Variants in SYTL3 observed in about 807,000 individuals in gnomAD.
The protein encoded by SYTL3 is synaptotagmin like 3, also known as synaptotagmin-like protein 3.
Under a neutral mutation model 82.1 loss-of-function variants are expected in SYTL3, and 88 were observed. That is an observed-to-expected ratio of 1.07 (90% confidence interval 0.90 to 1.28). The LOEUF (loss-of-function observed/expected upper bound fraction) is 1.28, where lower values mean the gene tolerates loss of function less well. SYTL3 is among the 50% of genes most tolerant of loss of function. SYTL3 has a pLI of 0.00. For missense variants in SYTL3, 831 were observed against 757.6 expected (o/e 1.10, Z -1.14); for synonymous variants, 311 against 289.4 (o/e 1.07, Z -0.76).
intron 6 of SYTL3, among the ~76,000 whole-genome samples, chr6:158,704,513 G>A (rs537358819): frequency 6.6e-6 from 1 of 152,398 alleles, no homozygotes; most frequent in South Asian, 2.1e-4. Context: ...TGCCCGTGGG[G>A]GATAGCAGGA....
At chr6:158,737,126 A>G (rs1364832322) in intron 11 of SYTL3, among the ~76,000 whole-genome samples, 1 of 151,976 alleles carries the variant, frequency 6.6e-6, no homozygotes, top group East Asian at 1.9e-4. Flanking sequence ...AAAGGCTGAT[A>G]ATCACTAAGC....
At chr6:158,663,567 C>T (rs991400516) in intron 4 of SYTL3, 189 bp downstream of exon 4, 23 of 985,120 alleles carry the variant, frequency 2.3e-5, no homozygotes, top group South Asian at 4.7e-5. Flanking sequence ...ACGTAGAGGA[C>T]GCTCAGGAGG....
At chr6:158,706,043 C>T (rs540551193) in intron 6 of SYTL3, among the ~76,000 whole-genome samples, 48 of 152,248 alleles carry the variant, frequency 3.2e-4, no homozygotes, top group Non-Finnish European at 6.5e-4. Context: ...GCTGGTCCTA[C>T]TAGTTGAGTG....
intron 10 of SYTL3, 124 bp downstream of exon 10, chr6:158,718,335 G>A: frequency 8.5e-7 from 1 of 1,169,982 alleles, no homozygotes; most frequent in Non-Finnish European, 1.1e-6. Flanking sequence ...TAAGCCATCA[G>A]AAAAACATAA....
At chr6:158,729,727 C>T (rs940129492) in intron 11 of SYTL3, among the ~76,000 whole-genome samples, 15 of 151,866 alleles carry the variant, frequency 9.9e-5, no homozygotes, top group African/African-American at 1.4e-4. Flanking sequence ...CCACCACGCC[C>T]GGCTAATCTT....
intron 5 of SYTL3, among the ~76,000 whole-genome samples, chr6:158,674,818 C>T (rs1037396521): frequency 7.9e-5 from 12 of 152,136 alleles, no homozygotes; most frequent in African/African-American, 2.2e-4. Context: ...TTCTGACCTG[C>T]GCAGTGTTTA....
intron 10 of SYTL3, among the ~76,000 whole-genome samples, chr6:158,720,427 C>A (rs1783971715): frequency 2.8e-5 from 3 of 105,458 alleles, no homozygotes; most frequent in South Asian, 3.5e-4. Flanking sequence ...AAAAAAAAAG[C>A]CTGAGTTTTA....
chr6:158,646,571 C>G (rs1787477470), upstream of SYTL3, among the ~76,000 whole-genome samples: 1 of 152,154 alleles, frequency 6.6e-6, no homozygotes, highest in African/African-American at 2.4e-5. Context: ...TACCTGCCTC[C>G]TTGAGGGAAA....
At chr6:158,738,111 A>G (rs1786455383) in intron 11 of SYTL3, among the ~76,000 whole-genome samples, 1 of 152,166 alleles carries the variant, frequency 6.6e-6, no homozygotes, top group Non-Finnish European at 1.5e-5. Flanking sequence ...CCAAGGAGCA[A>G]AGTGCATGGC....
chr6:158,738,168 A>G (rs1786462937), intron 11 of SYTL3, among the ~76,000 whole-genome samples: 1 of 152,170 alleles, frequency 6.6e-6, no homozygotes, highest in African/African-American at 2.4e-5. Flanking sequence ...GCTGGAGATT[A>G]GGTCTGCCCT....
At chr6:158,722,762 G>GTTTTTTTTTTTTTTTTTTTTT (rs34189391) in intron 10 of SYTL3, among the ~76,000 whole-genome samples, 1 of 80,896 alleles carries the variant, frequency 1.2e-5, no homozygotes. Flanking sequence ...TCTCTTTTCT[G>GTTTTTTTTTTTTTTTTTTTTT]TTTTTTTTTT....
chr6:158,700,777 C>T (rs545571199), intron 6 of SYTL3, among the ~76,000 whole-genome samples: 19 of 152,208 alleles, frequency 1.2e-4, no homozygotes, highest in Non-Finnish European at 2.5e-4. Context: ...CCACCACGGC[C>T]GGCTAATTTT....
chr6:158,676,552 A>G (rs1188333211), intron 5 of SYTL3, among the ~76,000 whole-genome samples: 3 of 151,964 alleles, frequency 2.0e-5, no homozygotes, highest in East Asian at 3.9e-4. Context: ...AAAATTGACA[A>G]ATGGGATCTA....
intron 11 of SYTL3, among the ~76,000 whole-genome samples, chr6:158,738,854 C>T (rs149865925): frequency 6.6e-5 from 10 of 152,332 alleles, no homozygotes; most frequent in Middle Eastern, 3.4e-3. Context: ...GACAGGGTTT[C>T]GCCATGTTGG....
chr6:158,679,758 G>A (rs1164339460), intron 5 of SYTL3, among the ~76,000 whole-genome samples: 1 of 152,160 alleles, frequency 6.6e-6, no homozygotes, highest in East Asian at 1.9e-4. Context: ...ACTTGTGTAG[G>A]TTCTGAAACC....
chr6:158,685,558 C>T lies in SYTL3; in HGVS notation c.394+2569C>T, dbSNP rs573260828. Among the ~76,000 whole-genome samples, 29 of 151,906 alleles carry T rather than the reference C, an allele frequency of 1.9e-4. 1 individual carries two copies. The South Asian group carries it at 5.7e-3, about 30-fold the overall frequency. On this transcript the variant is annotated intron_variant, in intron 6 of 17. Transcript: ENST00000611299. ...TTTTGACCGGGCCCGGTGGCTCACA[C>T]TTGTAATCCCAGCACTTTGGGAGGC...
intron 11 of SYTL3, among the ~76,000 whole-genome samples, chr6:158,733,585 C>A (rs1271126296): frequency 6.6e-6 from 1 of 151,746 alleles, no homozygotes; most frequent in Non-Finnish European, 1.5e-5. Context: ...CCTCGGCCTC[C>A]CAAAGTGCTG....
Position 158,733,820 on chromosome 6 carries a change from G to A in SYTL3, c.855+8183G>A, listed in dbSNP as rs146461259. On this transcript the variant is annotated intron_variant, in intron 11 of 17. Coordinates refer to ENST00000611299, the MANE Select transcript of SYTL3 (RefSeq NM_001242394.2). ...ATCTCCAAGAAGCACCCTTTTGGCC[G>A]GGCGCGGTGGCTCACGCCTGTAATC... is the stretch of plus-strand genomic sequence containing the variant. Among the ~76,000 whole-genome samples the A allele has an allele frequency of 4.4e-3, 669 of 151,170 alleles. 2 individuals carry two copies. The highest frequency in any genetic ancestry group is 0.028 in the Middle Eastern group (8 of 290).
intron 16 of SYTL3, 140 bp from the exon 17 acceptor site, chr6:158,763,164 C>G (rs1416690730): frequency 1.3e-6 from 1 of 783,008 alleles, no homozygotes; most frequent in Non-Finnish European, 2.1e-6. Context: ...CTGTGGTTCC[C>G]ACCCTGCTTC....
Sources: gnomAD v4.1 joint callset for allele counts (sites outside exome capture counted in the v4.1 genomes callset) on GRCh38, gnomAD v4.1.1 for gene constraint, MANE v1.5 for transcripts, NCBI Gene and HGNC (gene_info 2026-07-23, HGNC 2026-07-21) for gene names.